Variants in EMSY observed in about 807,000 individuals in gnomAD.
EMSY encodes BRCA2-interacting transcriptional repressor EMSY.
EMSY carries 26 observed loss-of-function variants against 134.6 expected under a neutral mutation model. The observed-to-expected ratio is 0.19, with a 90% CI of 0.14 to 0.27. The LOEUF (loss-of-function observed/expected upper bound fraction) is 0.27, where lower values mean the gene tolerates loss of function less well. Ranked by LOEUF, EMSY falls within the 10% of genes least tolerant of loss-of-function variation. EMSY has a pLI of 1.00. For synonymous variants in EMSY, 579 were observed against 577.8 expected (o/e 1.00, Z -0.03); for missense variants, 1,305 against 1,611.4 (o/e 0.81, Z 3.26).
intron 14 of EMSY, among the ~76,000 whole-genome samples, chr11:76,529,785 C>T (rs1364415205): frequency 2.0e-5 from 3 of 152,100 alleles, no homozygotes; most frequent in African/African-American, 7.2e-5. Flanking sequence ...TAGTTTCCTT[C>T]AGCATATTAT....
At chr11:76,457,477 T>C (rs1479634048) in intron 4 of EMSY, among the ~76,000 whole-genome samples, 1 of 152,224 alleles carries the variant, frequency 6.6e-6, no homozygotes. Flanking sequence ...GAATGGTGTT[T>C]GCTTAGAGAG....
intron 4 of EMSY, 77 bp downstream of exon 5, chr11:76,454,867 G>A: frequency 9.3e-7 from 1 of 1,075,588 alleles, no homozygotes; most frequent in Non-Finnish European, 1.3e-6. Context: ...TTATTCAGGG[G>A]CACATTATTC....
chr11:76,467,129 T>G (rs772641223), intron 7 of EMSY, among the ~76,000 whole-genome samples: 49 of 152,242 alleles, frequency 3.2e-4, no homozygotes, highest in Non-Finnish European at 6.3e-4. Context: ...ATTTTTACAT[T>G]TTTATTTGAT....
chr11:76,499,449 G>A (rs1590904239), intron 9 of EMSY, among the ~76,000 whole-genome samples: 1 of 151,220 alleles, frequency 6.6e-6, no homozygotes, highest in Non-Finnish European at 1.5e-5. Context: ...CACCACACCC[G>A]GCTAATTTTT....
intron 8 of EMSY, among the ~76,000 whole-genome samples, chr11:76,486,411 T>C (rs1021114741): frequency 2.6e-5 from 4 of 152,170 alleles, no homozygotes; most frequent in African/African-American, 9.7e-5. Context: ...AAAAAAATGC[T>C]TTCTTGAACA....
At chr11:76,451,007 G>C (rs750047677) in intron 2 of EMSY, among the ~76,000 whole-genome samples, 8 of 151,940 alleles carry the variant, frequency 5.3e-5, no homozygotes, top group Non-Finnish European at 8.8e-5. Flanking sequence ...ATGTTGCCCA[G>C]ACTGGTCTCG....
exon 7 of EMSY, chr11:76,463,892 G>T: frequency 6.2e-7 from 1 of 1,614,190 alleles, no homozygotes; most frequent in Non-Finnish European, 8.5e-7. Flanking sequence ...CTCCTCTCCT[G>T]TTGTTCTAAA....
intron 8 of EMSY, among the ~76,000 whole-genome samples, chr11:76,481,105 G>A (rs1042555541): frequency 2.6e-5 from 4 of 152,078 alleles, no homozygotes; most frequent in African/African-American, 4.8e-5. Context: ...GTGCCATGGC[G>A]CTATCTCGGC....
At chr11:76,454,824 T>C in intron 4 of EMSY, 34 bp downstream of exon 5, 1 of 1,385,304 alleles carries the variant, frequency 7.2e-7, no homozygotes, top group Non-Finnish European at 9.7e-7. Context: ...TTCAGGCTTT[T>C]TCTTGTATTT....
intron 12 of EMSY, among the ~76,000 whole-genome samples, chr11:76,524,039 G>T (rs1038095092): frequency 3.9e-5 from 6 of 152,064 alleles, no homozygotes; most frequent in African/African-American, 1.5e-4. Context: ...AACAGAGTGA[G>T]ACCTTGCCTC....
intron 16 of EMSY, among the ~76,000 whole-genome samples, chr11:76,538,198 G>A (rs1951296805): frequency 6.6e-6 from 1 of 152,150 alleles, no homozygotes; most frequent in African/African-American, 2.4e-5. Context: ...TGAATATACA[G>A]CAACAGTTGT....
intron 7 of EMSY, among the ~76,000 whole-genome samples, chr11:76,468,946 GT>G (rs1437575044): frequency 6.6e-6 from 1 of 152,122 alleles, no homozygotes; most frequent in Admixed American, 6.6e-5. Flanking sequence ...GGTTCACTTG[GT>G]TTTAAACCCC....
chr11:76,471,958 C>T (rs551286070), intron 7 of EMSY, among the ~76,000 whole-genome samples: 3 of 152,160 alleles, frequency 2.0e-5, no homozygotes, highest in Non-Finnish European at 4.4e-5. Flanking sequence ...CTACTTCCTT[C>T]TGGTTTCTGT....
chr11:76,493,506 T>G (rs370840781), intron 8 of EMSY, among the ~76,000 whole-genome samples: 79 of 152,048 alleles, frequency 5.2e-4, no homozygotes, highest in African/African-American at 1.8e-3. Context: ...TTACAGGGCT[T>G]TTTCCGGTCC....
intron 9 of EMSY, chr11:76,496,811 G>T: frequency 2.9e-6 from 1 of 340,782 alleles, no homozygotes; most frequent in East Asian, 8.0e-5. Flanking sequence ...GATTTTCTGT[G>T]TATGCAACTA....
At chr11:76,509,026 C>T (rs929298157) in intron 9 of EMSY, among the ~76,000 whole-genome samples, 7 of 152,032 alleles carry the variant, frequency 4.6e-5, no homozygotes, top group African/African-American at 1.2e-4. Flanking sequence ...TCATCTTACA[C>T]GAGCATGGTT....
intron 8 of EMSY, among the ~76,000 whole-genome samples, chr11:76,490,593 A>G (rs898610360): frequency 1.1e-4 from 17 of 152,080 alleles, no homozygotes; most frequent in African/African-American, 3.6e-4. Context: ...TCCTTGTGCT[A>G]TGGTTGTCAT....
In EMSY at chr11:76,482,798, G is replaced by A. The variant is rs559952454; in HGVS notation, c.1108+9958G>A. Among the ~76,000 whole-genome samples the A allele has an allele frequency of 7.2e-5, 11 of 152,292 alleles. No homozygotes were observed. In the East Asian group the frequency reaches 1.7e-3, roughly 24 times the overall value. ...TGATTGGTTTACCTGAAAGTGACAG[G>A]GAGAATGGAATCAAGTTGGGAAACA... On this transcript the variant is annotated intron_variant, in intron 8 of 20. Coordinates refer to ENST00000334736, the Ensembl canonical transcript of EMSY.
intron 4 of EMSY, among the ~76,000 whole-genome samples, chr11:76,457,663 A>T (rs751601916): frequency 3.3e-5 from 5 of 152,174 alleles, no homozygotes; most frequent in Non-Finnish European, 5.9e-5. Flanking sequence ...TTTTCTACTT[A>T]GGCTCCCTTG....
Sources: allele counts gnomAD v4.1 joint callset (sites outside exome capture counted in the v4.1 genomes callset), GRCh38; gene constraint gnomAD v4.1.1; transcripts MANE v1.5; gene names NCBI Gene and HGNC (gene_info 2026-07-23, HGNC 2026-07-21).